Variants in CFAP74 observed in about 807,000 individuals in gnomAD.
The protein encoded by CFAP74 is cilia- and flagella-associated protein 74.
A neutral mutation model predicts 188.9 loss-of-function variants in CFAP74; 124 were observed. The observed-to-expected ratio is 0.66, with a 90% CI of 0.57 to 0.76. The LOEUF (loss-of-function observed/expected upper bound fraction) is 0.76, where lower values mean the gene tolerates loss of function less well. CFAP74 is among the 30% of genes least tolerant of loss of function. The pLI is 0.00. For missense variants in CFAP74, 2,198 were observed against 2,165.2 expected, an observed-to-expected ratio of 1.02 and a Z score of -0.30; for synonymous variants, 956 against 916.7, an observed-to-expected ratio of 1.04 and a Z score of -0.77.
At chr1:1,937,493 C>T (rs908189765) in intron 25 of CFAP74, among the ~76,000 whole-genome samples, 2 of 152,170 alleles carry the variant, frequency 1.3e-5, no homozygotes, top group Admixed American at 1.3e-4. Context: ...GATGAAGGCA[C>T]AGAGGAATTC....
chr1:1,955,730 C>G lies in CFAP74; in HGVS notation c.2137G>C (p.Glu713Gln). ...QADMQSRKEL[E>Q]KLDKEQEEEQ... ...TCCTCCTGCTCCTTGTCCAGCTTCT[C>G]CAGCTCCTTCCGGCTCTGCATGTCC... The change falls in exon 18 of 39, where the codon GAG (glutamate) becomes CAG (glutamine). Residue 713 changes from glutamate to glutamine, a missense_variant. By Grantham distance (29) the Glu-to-Gln change is conservative. Transcript: ENST00000682832. 6.2e-7 allele frequency: 1 copy of G among 1,614,182 alleles called. No homozygotes were observed. Among genetic ancestry groups the G allele is most frequent in the Non-Finnish European group, 8.5e-7 (1 of 1,180,038 alleles).
chr1:1,938,199 A>G (rs1653060073), intron 25 of CFAP74, among the ~76,000 whole-genome samples: 1 of 146,274 alleles, frequency 6.8e-6, no homozygotes, highest in Non-Finnish European at 1.5e-5. Context: ...ACATTCAGTC[A>G]CATGCTCACA....
In CFAP74 at chr1:1,923,744, C is replaced by A. The variant is rs749747945; in HGVS notation, c.4389+31G>T. The stretch of plus-strand genomic sequence containing the variant: ...GGCCCTGCGTGGGGCCAGGGCCGGG[C>A]CGGGCTGAGCTTGCAGAGCCAGAGC... On this transcript the variant is annotated intron_variant, in intron 35 of 38. Coordinates refer to ENST00000682832, the MANE Select transcript of CFAP74 (RefSeq NM_001304360.2). This position sits in a 1 kb window ranked among gnomAD's most constrained non-coding sequence, Gnocchi z 6.3. 1 of 1,612,876 alleles carries A rather than the reference C, an allele frequency of 6.2e-7. No homozygotes were observed. Among genetic ancestry groups the A allele is most frequent in the South Asian group, 1.1e-5 (1 of 91,078 alleles).
At chr1:1,951,180 C>T (rs1056520091) in intron 18 of CFAP74, among the ~76,000 whole-genome samples, 4 of 152,078 alleles carry the variant, frequency 2.6e-5, no homozygotes, top group Admixed American at 1.3e-4. Context: ...TCTCACACAG[C>T]GGCAGGAGAG....
chr1:1,938,424 A>T (rs1246698095), intron 25 of CFAP74, among the ~76,000 whole-genome samples: 12 of 151,334 alleles, frequency 7.9e-5, no homozygotes, highest in Admixed American at 7.9e-4. Context: ...ACATACCTGC[A>T]CTCACACTCC....
At chr1:1,944,516 G>A in intron 20 of CFAP74, 64 bp from the exon 21 acceptor site, 1 of 1,503,728 alleles carries the variant, frequency 6.7e-7, no homozygotes, top group South Asian at 1.2e-5. Context: ...TTGTTGGTGA[G>A]CACTGACACA....
chr1:1,991,803 G>C (rs1170026166), intron 1 of CFAP74, among the ~76,000 whole-genome samples: 1 of 152,134 alleles, frequency 6.6e-6, no homozygotes, highest in Non-Finnish European at 1.5e-5. Context: ...ACTTTGGGAG[G>C]CCAAGGTGGG....
At chr1:1,972,358 G>A (rs1300572946) in intron 8 of CFAP74, among the ~76,000 whole-genome samples, 1 of 152,250 alleles carries the variant, frequency 6.6e-6, no homozygotes, top group African/African-American at 2.4e-5. Flanking sequence ...CACAAGAGGT[G>A]GGATGGGCAA....
intron 1 of CFAP74, among the ~76,000 whole-genome samples, chr1:1,999,505 G>A (rs1658091033): frequency 6.6e-6 from 1 of 152,098 alleles, no homozygotes; most frequent in South Asian, 2.1e-4. Context: ...GGGTAGAGTC[G>A]CCCACATTTC....
At chr1:1,962,441 A>G (rs1655156131) in intron 14 of CFAP74, among the ~76,000 whole-genome samples, 1 of 144,748 alleles carries the variant, frequency 6.9e-6, no homozygotes, top group African/African-American at 2.6e-5. Flanking sequence ...GTGCCACTAT[A>G]CTCCAGCCTG....
At chr1:1,934,787 G>C (rs75251321) in intron 25 of CFAP74, among the ~76,000 whole-genome samples, 1 of 149,406 alleles carries the variant, frequency 6.7e-6, no homozygotes, top group South Asian at 2.1e-4. Context: ...GTGGGTGTTA[G>C]GTTGTAGGTA....
chr1:1,992,936 C>T (rs926420786), intron 1 of CFAP74, among the ~76,000 whole-genome samples: 23 of 151,908 alleles, frequency 1.5e-4, no homozygotes, highest in East Asian at 3.9e-4. Context: ...CACAGTGGCT[C>T]GCGCTTATAA....
rs1053576595 is a variant in CFAP74 at position 1,944,455 on chromosome 1, G to A, written c.2365-3C>T. ...ACGCCCACGACCCTGAAATGCAGCTGCATATGGACACAGGAGCTCAGCAAC... is the reference window on the plus strand; with the variant it reads ...ACGCCCACGACCCTGAAATGCAGCTACATATGGACACAGGAGCTCAGCAAC... On this transcript the variant is annotated splice_polypyrimidine_tract_variant and splice_region_variant and intron_variant, in intron 20 of 38. Transcript: ENST00000682832. 6.5e-7 allele frequency: 1 copy of A among 1,535,986 alleles called. No homozygotes were observed. The highest frequency in any genetic ancestry group is 8.7e-7 in the Non-Finnish European group (1 of 1,146,808).
At chr1:1,930,411 T>TG (rs1239133097) in intron 25 of CFAP74, 75 bp from the exon 26 acceptor site, 1 of 1,397,970 alleles carries the variant, frequency 7.2e-7, no homozygotes, top group Admixed American at 2.4e-5. Flanking sequence ...CGGGGGCCAC[T>TG]GGGTGGAGGA....
intron 18 of CFAP74, 73 bp from the exon 19 acceptor site, chr1:1,947,127 G>A (rs1200193733): frequency 1.3e-5 from 14 of 1,100,522 alleles, no homozygotes; most frequent in South Asian, 1.1e-4. Context: ...CCCTTGGGAC[G>A]TGGTCACCAC....
chr1:1,930,360 C>T (rs1315288555), intron 25 of CFAP74, 24 bp from the exon 26 acceptor site: 10 of 1,502,396 alleles, frequency 6.7e-6, no homozygotes, highest in South Asian at 2.5e-5. Flanking sequence ...CATGGGAGGC[C>T]CTCAGCCGTG....
At chr1:1,945,067 G>A (rs1653654373) in intron 20 of CFAP74, among the ~76,000 whole-genome samples, 1 of 152,124 alleles carries the variant, frequency 6.6e-6, no homozygotes, top group Non-Finnish European at 1.5e-5. Flanking sequence ...CAGCACTTTG[G>A]AGGCCCAGGT....
chr1:1,969,003 G>A (rs1013358930), intron 10 of CFAP74, among the ~76,000 whole-genome samples, 170 bp from the exon 11 acceptor site: 1 of 151,078 alleles, frequency 6.6e-6, no homozygotes, highest in South Asian at 2.1e-4. Context: ...TCCCTCCTGG[G>A]GACTCCATCC....
Position 1,955,999 on chromosome 1 carries a change from T to A in CFAP74, c.2017-149A>T, listed in dbSNP as rs1654595508. On this transcript the variant is annotated intron_variant, in intron 17 of 38. Coordinates refer to ENST00000682832, the MANE Select transcript of CFAP74 (RefSeq NM_001304360.2). Reference sequence around the variant, plus strand: ...CAGCTGCCTCCTCGGCTGCCTGCTCTCGTCTCACCCATCCTGGTTGTGGGA... The same window carrying A: ...CAGCTGCCTCCTCGGCTGCCTGCTCACGTCTCACCCATCCTGGTTGTGGGA... 5 of 1,373,130 alleles carry A rather than the reference T, an allele frequency of 3.6e-6. No individual in the cohort carries two copies. The East Asian group carries it at 1.3e-4, about 35-fold the overall frequency. 85.1% of individuals were successfully genotyped at this position (1,373,130 alleles called of 1,614,324 possible).
Sources: allele counts gnomAD v4.1 joint callset (sites outside exome capture counted in the v4.1 genomes callset), GRCh38; gene constraint gnomAD v4.1.1; non-coding constraint Gnocchi (gnomAD v3.1); transcripts MANE v1.5; gene names NCBI Gene and HGNC (gene_info 2026-07-23, HGNC 2026-07-21).